SNX29: variants seen among roughly 807,000 people sequenced by gnomAD.
The protein encoded by SNX29 is sorting nexin-29.
SNX29 carries 78 observed loss-of-function variants against 102.1 expected under a neutral mutation model. The ratio of observed to expected loss-of-function variants is 0.76; its 90% CI spans 0.64 to 0.92. The LOEUF (loss-of-function observed/expected upper bound fraction) is 0.92, where lower values mean the gene tolerates loss of function less well. SNX29 is among the 40% of genes least tolerant of loss of function. The pLI, the probability that SNX29 is intolerant of heterozygous loss-of-function variation, is 0.00. For synonymous variants in SNX29, 580 were observed against 414.5 expected (o/e 1.40, Z -4.85); for missense variants, 1,280 against 1,061.7 (o/e 1.21, Z -2.86).
chr16:11,989,684 T>C (rs2055770395), intron 1 of SNX29, among the ~76,000 whole-genome samples: 1 of 152,272 alleles, frequency 6.6e-6, no homozygotes, highest in South Asian at 2.1e-4. Context: ...TTGAGTTCCT[T>C]CTGTGATGGG....
At chr16:12,076,252 G>T (rs888657552) in intron 10 of SNX29, among the ~76,000 whole-genome samples, 1 of 151,662 alleles carries the variant, frequency 6.6e-6, no homozygotes. Flanking sequence ...CGTCACTCAC[G>T]CTGGGAGCTG....
intron 11 of SNX29, among the ~76,000 whole-genome samples, chr16:12,122,081 G>A (rs538213350): frequency 3.9e-5 from 6 of 152,186 alleles, no homozygotes; most frequent in Non-Finnish European, 8.8e-5. Context: ...CTCCCAAAGT[G>A]CTGGCATCAC....
At chr16:12,156,718 G>A (rs1303799177) in intron 13 of SNX29, among the ~76,000 whole-genome samples, 2 of 152,254 alleles carry the variant, frequency 1.3e-5, no homozygotes, top group Non-Finnish European at 2.9e-5. Flanking sequence ...CTTAGCAAAT[G>A]GCTGTCCAGC....
At chr16:12,032,339 C>T (rs1285938716) in intron 4 of SNX29, among the ~76,000 whole-genome samples, 8 of 151,836 alleles carry the variant, frequency 5.3e-5, no homozygotes, top group African/African-American at 1.9e-4. Context: ...TCCCAAGTAG[C>T]TGAGATTATA....
chr16:12,559,463 G>A (rs1036788774), intron 20 of SNX29, among the ~76,000 whole-genome samples: 12 of 151,654 alleles, frequency 7.9e-5, no homozygotes, highest in Non-Finnish European at 1.5e-4. Flanking sequence ...ATTATGGTGA[G>A]TTGTGTAATT....
chr16:12,205,825 A>T (rs2077031971), intron 14 of SNX29, among the ~76,000 whole-genome samples: 1 of 152,192 alleles, frequency 6.6e-6, no homozygotes, highest in African/African-American at 2.4e-5. Flanking sequence ...AAGAGCAGGG[A>T]TGTTGGCATG....
chr16:12,416,364 A>C (rs973600558), intron 18 of SNX29, among the ~76,000 whole-genome samples: 8 of 152,240 alleles, frequency 5.3e-5, no homozygotes, highest in African/African-American at 1.9e-4. Flanking sequence ...GTTGCGCAGC[A>C]GGGTGACTAT....
intron 9 of SNX29, among the ~76,000 whole-genome samples, chr16:12,062,498 T>C (rs796262594): frequency 4.6e-5 from 7 of 152,266 alleles, no homozygotes; most frequent in African/African-American, 1.7e-4. Flanking sequence ...GTTATTGTTT[T>C]CTTTAGTGCA....
intron 15 of SNX29, among the ~76,000 whole-genome samples, chr16:12,343,615 C>T (rs2081680918): frequency 6.6e-6 from 1 of 152,112 alleles, no homozygotes; most frequent in Admixed American, 6.5e-5. Context: ...CCTCCCCTTC[C>T]TGTTCCCAGG....
At chr16:12,133,278 T>G (rs1703529) in intron 13 of SNX29, among the ~76,000 whole-genome samples, 1 of 126,806 alleles carries the variant, frequency 7.9e-6, no homozygotes, top group African/African-American at 2.9e-5. Flanking sequence ...TTCCTTAGTG[T>G]GGGTTTTTTT....
At chr16:12,560,039 ACAAAGAAAAATGAC>A (rs1195813573) in intron 20 of SNX29, among the ~76,000 whole-genome samples, 16 of 152,288 alleles carry the variant, frequency 1.1e-4, no homozygotes, top group Middle Eastern at 3.4e-3. Flanking sequence ...TGACAAATAC[ACAAAGAAAAATGAC>A]TAGAAAACTA....
intron 15 of SNX29, among the ~76,000 whole-genome samples, chr16:12,317,187 A>G (rs1459561586): frequency 1.3e-5 from 2 of 152,098 alleles, no homozygotes; most frequent in African/African-American, 4.8e-5. Context: ...TTAACAATCC[A>G]TGGGGCAGCT....
chr16:12,548,334 T>G (rs554148065), intron 20 of SNX29, among the ~76,000 whole-genome samples: 1 of 152,292 alleles, frequency 6.6e-6, no homozygotes, highest in African/African-American at 2.4e-5. Context: ...GGTGCCTCCA[T>G]GGGGAATGAC....
At chr16:12,216,627 G>C (rs1369152995) in intron 14 of SNX29, among the ~76,000 whole-genome samples, 2 of 152,198 alleles carry the variant, frequency 1.3e-5, no homozygotes, top group Non-Finnish European at 1.5e-5. Flanking sequence ...TGAAGACTTA[G>C]ATTGTGGGTG....
At chr16:12,249,611 T>C (rs1596630087) in intron 14 of SNX29, among the ~76,000 whole-genome samples, 1 of 152,228 alleles carries the variant, frequency 6.6e-6, no homozygotes, top group African/African-American at 2.4e-5. Context: ...TGAATCTTCA[T>C]GTAACCACTC....
intron 11 of SNX29, among the ~76,000 whole-genome samples, chr16:12,123,091 G>A (rs1285207722): frequency 6.6e-6 from 1 of 152,126 alleles, no homozygotes; most frequent in Non-Finnish European, 1.5e-5. Context: ...CCTCCAAAGG[G>A]CTGGGATTAC....
intron 20 of SNX29, among the ~76,000 whole-genome samples, 176 bp from the exon 21 acceptor site, chr16:12,568,330 C>G (rs527601825): frequency 1.4e-5 from 2 of 140,234 alleles, no homozygotes; most frequent in African/African-American, 5.1e-5. Context: ...GAAAGGTTTA[C>G]GTGACAATAG....
At chr16:12,244,991 A>G (rs1300772134) in intron 14 of SNX29, among the ~76,000 whole-genome samples, 1 of 152,220 alleles carries the variant, frequency 6.6e-6, no homozygotes, top group Non-Finnish European at 1.5e-5. Context: ...GTCAGGTAGG[A>G]GCCACCTAAG....
rs1025370105 is a variant in SNX29 at position 12,402,889 on chromosome 16, T to A, written c.1956-559T>A. ...GTCATTTTCTCTGGTCCCTCCCTCC[T>A]CCCATCCTAAACAGCTGTCACCCTT... is the stretch of plus-strand genomic sequence containing the variant. On this transcript the variant is annotated intron_variant, in intron 17 of 20. Transcript: ENST00000566228. 2.6e-5 allele frequency among the ~76,000 whole-genome samples: 4 copies of A among 152,130 alleles called. No homozygotes were observed. In the South Asian group the frequency reaches 6.2e-4, roughly 24 times the overall value.
Sources: gnomAD v4.1 joint callset for allele counts (sites outside exome capture counted in the v4.1 genomes callset) on GRCh38, gnomAD v4.1.1 for gene constraint, MANE v1.5 for transcripts, NCBI Gene and HGNC (gene_info 2026-07-23, HGNC 2026-07-21) for gene names.